Variants in ATP6V0A4 observed in about 807,000 individuals in gnomAD.
The protein encoded by ATP6V0A4 is V-type proton ATPase 116 kDa subunit a 4.
A neutral mutation model predicts 107.3 loss-of-function variants in ATP6V0A4; 86 were observed. That is an observed-to-expected ratio of 0.80 (90% CI 0.67 to 0.96). The LOEUF is 0.96. Among genes scored for constraint, ATP6V0A4 ranks in the 40% least tolerant of loss-of-function variants. ATP6V0A4 has a pLI of 0.00. For synonymous variants in ATP6V0A4, 353 were observed against 381.4 expected (o/e 0.93, Z 0.87); for missense variants, 908 against 1,045.6 (o/e 0.87, Z 1.81).
intron 5 of ATP6V0A4, among the ~76,000 whole-genome samples, chr7:138,763,430 C>G (rs1039328739): frequency 1.3e-5 from 2 of 152,024 alleles, no homozygotes; most frequent in African/African-American, 4.8e-5. Context: ...GCGTTCAAGA[C>G]CAGCCTGGTT....
Position 138,771,113 on chromosome 7 carries a change from A to G in ATP6V0A4, c.117+18T>C. 6.2e-7 allele frequency: 1 copy of G among 1,611,884 alleles called. No homozygotes were observed. The highest frequency in any genetic ancestry group is 8.5e-7 in the Non-Finnish European group (1 of 1,178,238). ...CCACCCCTGCCTTCCTCTTATCTCC[A>G]AAGAACTCAGTACCTACATCTTTGA... is the stretch of plus-strand genomic sequence containing the variant. On this transcript the variant is annotated intron_variant, in intron 3 of 21. Coordinates refer to ENST00000310018, the MANE Select transcript of ATP6V0A4 (RefSeq NM_020632.3).
intron 2 of ATP6V0A4, among the ~76,000 whole-genome samples, chr7:138,783,074 C>CA (rs879330529): frequency 1.9e-4 from 29 of 151,220 alleles, no homozygotes; most frequent in East Asian, 1.6e-3. Context: ...GACTCCATTC[C>CA]AAAAAAAAGA....
intron 15 of ATP6V0A4, among the ~76,000 whole-genome samples, chr7:138,736,075 AAC>A (rs1805307288): frequency 6.6e-6 from 1 of 150,984 alleles, no homozygotes; most frequent in Non-Finnish European, 1.5e-5. Context: ...TCTCAAAACA[AAC>A]AAACAAACAA....
At chr7:138,707,190 T>TATATA (rs1562972520) in intron 21 of ATP6V0A4, among the ~76,000 whole-genome samples, 2 of 55,372 alleles carry the variant, frequency 3.6e-5, no homozygotes, top group Non-Finnish European at 3.0e-5. Context: ...TAATATATTA[T>TATATA]ATATATTATA....
At chr7:138,783,896 A>T (rs78162135) in intron 2 of ATP6V0A4, among the ~76,000 whole-genome samples, 3,739 of 152,184 alleles carry the variant, frequency 0.025, 130 homozygotes, top group African/African-American at 0.085. Flanking sequence ...TGGAAAGTTG[A>T]AACAGGCCAA....
At chr7:138,726,779 A>C (rs1804747339) in intron 18 of ATP6V0A4, among the ~76,000 whole-genome samples, 1 of 152,094 alleles carries the variant, frequency 6.6e-6, no homozygotes, top group Non-Finnish European at 1.5e-5. Flanking sequence ...ACAGGCCTCC[A>C]CGCCGTCTTC....
chr7:138,760,384 A>C (rs1423670250), intron 7 of ATP6V0A4, among the ~76,000 whole-genome samples: 1 of 148,766 alleles, frequency 6.7e-6, no homozygotes, highest in Non-Finnish European at 1.5e-5. Flanking sequence ...CGGAGGTTGC[A>C]GTGAGCCAAG....
At chr7:138,782,406 G>A (rs1164279598) in intron 2 of ATP6V0A4, among the ~76,000 whole-genome samples, 16 of 152,046 alleles carry the variant, frequency 1.1e-4, no homozygotes, top group Admixed American at 6.6e-4. Context: ...TAATTATCTC[G>A]GCAAAGACCC....
intron 1 of ATP6V0A4, among the ~76,000 whole-genome samples, chr7:138,796,207 C>A (rs1808652397): frequency 6.6e-6 from 1 of 151,982 alleles, no homozygotes; most frequent in Non-Finnish European, 1.5e-5. Context: ...GTCTTTCTCA[C>A]CCCCAGGTCC....
intron 19 of ATP6V0A4, among the ~76,000 whole-genome samples, chr7:138,718,577 C>CATGGGAGGGA (rs1804248193): frequency 2.4e-5 from 1 of 41,216 alleles, no homozygotes; most frequent in Non-Finnish European, 4.2e-5. Flanking sequence ...TCCGGAGAGG[C>CATGGGAGGGA]ATGGGGCGGA....
intron 5 of ATP6V0A4, among the ~76,000 whole-genome samples, chr7:138,763,937 G>A (rs898946769): frequency 6.8e-6 from 1 of 147,716 alleles, no homozygotes; most frequent in South Asian, 2.1e-4. Context: ...TCCCACCTGG[G>A]AGACAAAGCT....
chr7:138,760,003 C>A, intron 7 of ATP6V0A4, 125 bp from the exon 8 acceptor site: 1 of 1,539,314 alleles, frequency 6.5e-7, no homozygotes, highest in Non-Finnish European at 8.8e-7. Flanking sequence ...AGGAGGGACC[C>A]CGACACAGCT....
chr7:138,713,951 A>AAT (rs1341109107), intron 20 of ATP6V0A4, among the ~76,000 whole-genome samples: 2 of 151,548 alleles, frequency 1.3e-5, no homozygotes, highest in East Asian at 3.9e-4. Flanking sequence ...AAAAAAAAAA[A>AAT]AGTTCGCCAA....
In ATP6V0A4 at chr7:138,747,507, C is replaced by T. The variant is rs1806011562; in HGVS notation, c.1238G>A (p.Gly413Asp). 1 of 1,614,138 alleles carries T rather than the reference C, an allele frequency of 6.2e-7. No homozygotes were observed. Among genetic ancestry groups the T allele is most frequent in the Non-Finnish European group, 8.5e-7 (1 of 1,180,038 alleles). ...AGCCAGGAGCATCACGGTTCCATGA[C>T]CACAGTCTCCAAACATCACAGCGAA... ...FLFAVMFGDC[G>D]HGTVMLLAAL... is the part of the protein sequence containing the mutation. Residue 413 changes from glycine (G) to aspartate (D), a missense_variant, in exon 13 of 22, where the codon GGT (glycine) becomes GAT (aspartate). By Grantham distance (94) the Gly-to-Asp change is moderately conservative. Coordinates refer to ENST00000310018, the MANE Select transcript of ATP6V0A4 (RefSeq NM_020632.3).
At chr7:138,748,035 C>T (rs1391568149) in intron 12 of ATP6V0A4, among the ~76,000 whole-genome samples, 1 of 152,026 alleles carries the variant, frequency 6.6e-6, no homozygotes, top group Non-Finnish European at 1.5e-5. Context: ...GGATTATGGG[C>T]ATGAGCCACT....
At chr7:138,751,662 A>T (rs774600079) in intron 11 of ATP6V0A4, among the ~76,000 whole-genome samples, 6 of 151,960 alleles carry the variant, frequency 3.9e-5, no homozygotes, top group Non-Finnish European at 8.8e-5. Flanking sequence ...CGTTCCTAGT[A>T]CACAGGGAAT....
chr7:138,752,563 C>T (rs1229691323), intron 11 of ATP6V0A4, 62 bp downstream of exon 11: 1 of 1,598,388 alleles, frequency 6.3e-7, no homozygotes, highest in East Asian at 2.3e-5. Context: ...GGCCAACACC[C>T]TCTGAGAGCC....
At chr7:138,788,556 G>T (rs1808265155) in intron 1 of ATP6V0A4, among the ~76,000 whole-genome samples, 1 of 152,180 alleles carries the variant, frequency 6.6e-6, no homozygotes, top group Non-Finnish European at 1.5e-5. Context: ...ACCTTAAGAA[G>T]CAGGACAGGT....
At chr7:138,722,597 T>C (rs937611395) in intron 18 of ATP6V0A4, among the ~76,000 whole-genome samples, 2 of 148,794 alleles carry the variant, frequency 1.3e-5, no homozygotes, top group African/African-American at 5.0e-5. Flanking sequence ...ATACAAAAAA[T>C]AGCTGGGCGT....
Sources: gnomAD v4.1 joint callset for allele counts (sites outside exome capture counted in the v4.1 genomes callset) on GRCh38, gnomAD v4.1.1 for gene constraint, MANE v1.5 for transcripts, NCBI Gene and HGNC (gene_info 2026-07-23, HGNC 2026-07-21) for gene names.